The following TIAM1 variants were observed in gnomAD, a reference collection of about 807,000 sequenced individuals.
TIAM1 encodes TIAM Rac1 associated GEF 1.
TIAM1 carries 65 observed loss-of-function variants against 163.5 expected under a neutral mutation model. That is an observed-to-expected ratio of 0.40 (90% CI 0.33 to 0.49). The LOEUF is 0.49. Among genes scored for constraint, TIAM1 ranks in the 20% least tolerant of loss-of-function variants. TIAM1 has a pLI of 0.77. For missense variants in TIAM1, 1,789 were observed against 2,044.7 expected (o/e 0.87, Z 2.41); for synonymous variants, 833 against 810.1 (o/e 1.03, Z -0.48).
chr21:31,340,976 C>T (rs574111174), intron 1 of TIAM1, among the ~76,000 whole-genome samples: 1 of 151,912 alleles, frequency 6.6e-6, no homozygotes, highest in Non-Finnish European at 1.5e-5. Context: ...ATGGAACTTG[C>T]CCATAATGAA....
intron 2 of TIAM1, among the ~76,000 whole-genome samples, chr21:31,317,962 T>C (rs2075184393): frequency 1.3e-5 from 2 of 152,188 alleles, no homozygotes; most frequent in African/African-American, 4.8e-5. Context: ...ACATAACTAA[T>C]GACCCAGCTC....
intron 2 of TIAM1, among the ~76,000 whole-genome samples, chr21:31,326,300 G>C (rs1180968060): frequency 6.6e-6 from 1 of 152,172 alleles, no homozygotes; most frequent in Non-Finnish European, 1.5e-5. Flanking sequence ...TCTTCCTGTT[G>C]TCCCAGCTCA....
chr21:31,149,094 A>G (rs192001259), intron 19 of TIAM1, among the ~76,000 whole-genome samples: 1 of 152,176 alleles, frequency 6.6e-6, no homozygotes. Flanking sequence ...AGGCAGGCAC[A>G]CTAGTGTTCA....
intron 2 of TIAM1, among the ~76,000 whole-genome samples, chr21:31,443,071 C>T (rs996308674): frequency 4.6e-5 from 7 of 152,120 alleles, no homozygotes; most frequent in Non-Finnish European, 8.8e-5. Context: ...CCACAGAAAG[C>T]GTATCTGCCT....
chr21:31,364,448 G>A (rs140715174), intron 2 of TIAM1, among the ~76,000 whole-genome samples: 3 of 152,154 alleles, frequency 2.0e-5, no homozygotes, highest in African/African-American at 7.2e-5. Flanking sequence ...CTCCGCAGAG[G>A]GAGCCAATGA....
intron 6 of TIAM1, among the ~76,000 whole-genome samples, chr21:31,235,330 A>C (rs192342831): frequency 6.6e-6 from 1 of 152,360 alleles, no homozygotes; most frequent in African/African-American, 2.4e-5. Flanking sequence ...AAATAAGATC[A>C]CAGTACACTA....
intron 2 of TIAM1, among the ~76,000 whole-genome samples, chr21:31,279,239 T>C (rs1022704891): frequency 6.6e-6 from 1 of 152,166 alleles, no homozygotes; most frequent in African/African-American, 2.4e-5. Context: ...CTGACTTTCG[T>C]GGGGAAAAAA....
intron 1 of TIAM1, among the ~76,000 whole-genome samples, chr21:31,551,587 T>TA (rs2048690036): frequency 6.7e-6 from 1 of 150,060 alleles, no homozygotes; most frequent in African/African-American, 2.5e-5. Flanking sequence ...AGCAAAAAAT[T>TA]AAAAAATTAG....
intron 1 of TIAM1, among the ~76,000 whole-genome samples, chr21:31,542,925 G>A (rs981817471): frequency 2.6e-5 from 4 of 151,986 alleles, no homozygotes; most frequent in African/African-American, 4.8e-5. Context: ...CCGAGACTGC[G>A]CCACGGAACT....
intron 6 of TIAM1, among the ~76,000 whole-genome samples, chr21:31,240,171 A>G (rs1411926342): frequency 1.3e-5 from 2 of 151,846 alleles, no homozygotes; most frequent in Non-Finnish European, 2.9e-5. Flanking sequence ...AATAGCGTCT[A>G]CTCTCGAAAG....
At chr21:31,200,142 A>G (rs2086118893) in intron 12 of TIAM1, among the ~76,000 whole-genome samples, 1 of 152,118 alleles carries the variant, frequency 6.6e-6, no homozygotes, top group Non-Finnish European at 1.5e-5. Flanking sequence ...TAGAACAGCT[A>G]GAGTAGTGCC....
chr21:31,164,664 A>G (rs540400949), intron 16 of TIAM1, among the ~76,000 whole-genome samples: 1 of 152,312 alleles, frequency 6.6e-6, no homozygotes, highest in South Asian at 2.1e-4. Flanking sequence ...ACAAATGAAG[A>G]TGTAATAGGG....
chr21:31,252,211 C>G lies in TIAM1; in HGVS notation c.964-22G>C. 1.9e-6 allele frequency: 3 copies of G among 1,591,614 alleles called. No homozygotes were observed. The South Asian group carries it at 3.3e-5, about 18-fold the overall frequency. ...CATCCTTGGGAGCAGAAAGAGAGAGCAAAGAAGACAAGCGTCACGTGGAGA... is the reference window on the plus strand; with the variant it reads ...CATCCTTGGGAGCAGAAAGAGAGAGGAAAGAAGACAAGCGTCACGTGGAGA... On this transcript the variant is annotated intron_variant, in intron 4 of 27. Transcript: ENST00000541036.
intron 2 of TIAM1, among the ~76,000 whole-genome samples, chr21:31,427,470 G>C (rs186943677): frequency 8.9e-4 from 135 of 151,958 alleles, no homozygotes; most frequent in African/African-American, 3.1e-3. Context: ...CTGGGGGACA[G>C]AGCGAGACTC....
At chr21:31,343,515 CA>C (rs1002240167) in intron 1 of TIAM1, among the ~76,000 whole-genome samples, 1 of 152,178 alleles carries the variant, frequency 6.6e-6, no homozygotes, top group Admixed American at 6.5e-5. Flanking sequence ...ATAAACAAAT[CA>C]CACCTCCACA....
At chr21:31,185,685 A>G (rs2085271205) in intron 14 of TIAM1, among the ~76,000 whole-genome samples, 1 of 148,058 alleles carries the variant, frequency 6.8e-6, no homozygotes, top group East Asian at 1.9e-4. Context: ...ATAATTATAT[A>G]ATAATTACAC....
At chr21:31,234,763 C>T in intron 6 of TIAM1, among the ~76,000 whole-genome samples, 1 of 126,646 alleles carries the variant, frequency 7.9e-6, no homozygotes, top group Non-Finnish European at 1.6e-5. Context: ...GCCTGGGCGA[C>T]AGAGTGAGAC....
rs998584844 is a variant in TIAM1 at position 31,279,023 on chromosome 21, G to A, written c.-188-2115C>T. ...GCGGCTGTCCTTCCACCTGCACAAC[G>A]GAGGCTGATAATGCATTTTCTATAC... On this transcript the variant is annotated intron_variant, in intron 2 of 27. Coordinates refer to ENST00000541036, the MANE Select transcript of TIAM1 (RefSeq NM_001353694.2). Among the ~76,000 whole-genome samples the A allele has an allele frequency of 7.0e-4, 106 of 152,106 alleles. 1 individual carries two copies. Among genetic ancestry groups the A allele is most frequent in the African/African-American group, 2.4e-3 (101 of 41,468 alleles).
intron 1 of TIAM1, among the ~76,000 whole-genome samples, chr21:31,510,749 G>C (rs1281416536): frequency 6.6e-6 from 1 of 151,800 alleles, no homozygotes; most frequent in Non-Finnish European, 1.5e-5. Context: ...AGGAGGCGGA[G>C]GTTGCAGTGA....
Sources: gnomAD v4.1 joint callset for allele counts (sites outside exome capture counted in the v4.1 genomes callset) on GRCh38, gnomAD v4.1.1 for gene constraint, MANE v1.5 for transcripts, NCBI Gene and HGNC (gene_info 2026-07-23, HGNC 2026-07-21) for gene names.